Variants in ZNF527 observed in about 807,000 individuals in gnomAD.
The protein encoded by ZNF527 is zinc finger protein 527.
In ZNF527, 5 loss-of-function variants were observed where a neutral mutation model predicts 13.5. That is an observed-to-expected ratio of 0.37 (90% CI 0.19 to 0.78). ZNF527 has a LOEUF of 0.78. Among genes scored for constraint, ZNF527 ranks in the 30% least tolerant of loss-of-function variants. The pLI is 0.48. For synonymous variants in ZNF527, 209 were observed against 243.1 expected, an observed-to-expected ratio of 0.86 and a Z score of 1.30; for missense variants, 628 against 726.4, an observed-to-expected ratio of 0.86 and a Z score of 1.56.
intron 4 of ZNF527, among the ~76,000 whole-genome samples, chr19:37,382,421 A>G (rs1417495606): frequency 6.6e-6 from 1 of 152,108 alleles, no homozygotes; most frequent in Non-Finnish European, 1.5e-5. Flanking sequence ...CTATCAGTTT[A>G]TATTAATAAC....
At chr19:37,373,924 G>A (rs547490037) in intron 1 of ZNF527, among the ~76,000 whole-genome samples, 5 of 152,304 alleles carry the variant, frequency 3.3e-5, no homozygotes, top group South Asian at 2.1e-4. Context: ...CTTGTTGGCC[G>A]TAGGACAGAC....
chr19:37,377,948 A>G (rs566136924), intron 2 of ZNF527, among the ~76,000 whole-genome samples: 6 of 152,162 alleles, frequency 3.9e-5, no homozygotes, highest in South Asian at 4.2e-4. Context: ...ATACAACACT[A>G]TGGAGTTGTG....
intron 2 of ZNF527, among the ~76,000 whole-genome samples, chr19:37,374,760 A>AG (rs2040585667): frequency 6.6e-6 from 1 of 152,222 alleles, no homozygotes; most frequent in Non-Finnish European, 1.5e-5. Context: ...GGCCCTTTCA[A>AG]GTCATGATCT....
rs2040739985 is a variant in ZNF527, at chr19:37,390,056, TCTCG to T, written c.*181_*184del. ...TTACTTTTTTTTTTTTCAGACAGAG[TCTCG>T]CTCTGTTGCCCAGGCTGGAGTGCAG... On this transcript the variant is annotated 3_prime_UTR_variant, in exon 5 of 5. Coordinates refer to ENST00000436120, the MANE Select transcript of ZNF527 (RefSeq NM_032453.2). 5.6e-6 allele frequency: 4 copies of T among 719,284 alleles called. No homozygotes were observed. The highest frequency in any genetic ancestry group is 8.4e-6 in the Non-Finnish European group (4 of 478,192). 44.6% of individuals were successfully genotyped at this position (719,284 alleles called of 1,614,324 possible).
At chr19:37,383,214 T>C (rs747042840) in intron 4 of ZNF527, among the ~76,000 whole-genome samples, 3 of 151,058 alleles carry the variant, frequency 2.0e-5, no homozygotes, top group African/African-American at 7.4e-5. Flanking sequence ...TAAAACTGTA[T>C]GGGAGAATGC....
chr19:37,374,830 A>AT (rs2040586108), intron 2 of ZNF527, among the ~76,000 whole-genome samples: 1 of 152,178 alleles, frequency 6.6e-6, no homozygotes, highest in Non-Finnish European at 1.5e-5. Context: ...ATCTGATTTG[A>AT]TTTATGCCTT....
chr19:37,378,515 T>TATATCAGCTTA (rs1355123565), intron 2 of ZNF527, among the ~76,000 whole-genome samples: 13 of 152,238 alleles, frequency 8.5e-5, no homozygotes, highest in Admixed American at 2.0e-4. Context: ...ATACTGGATA[T>TATATCAGCTTA]ATATCAGCTT....
intron 4 of ZNF527, among the ~76,000 whole-genome samples, chr19:37,386,793 G>T (rs1316393061): frequency 2.0e-5 from 3 of 152,164 alleles, no homozygotes; most frequent in Non-Finnish European, 2.9e-5. Flanking sequence ...GTATAAATCT[G>T]CTATTTGCCT....
chr19:37,388,715 T>C lies in ZNF527; in HGVS notation c.666T>C (p.Asn222=), dbSNP rs372735192. ...LHAEKESLIG[N]ECEEFNQSTY... The stretch of plus-strand genomic sequence containing the variant: ...CTGAGAAGGAATCTTTGATAGGTAA[T>C]GAATGTGAAGAATTCAACCAGAGTA... The change falls in exon 5 of 5, where the codon AAT becomes AAC. Residue 222 remains asparagine, a synonymous_variant. Transcript: ENST00000436120. The C allele has an allele frequency of 1.5e-5, 24 of 1,611,932 alleles. No individual in the cohort carries two copies. In the African/African-American group the frequency reaches 2.8e-4, roughly 19 times the overall value.
intron 1 of ZNF527, 144 bp from the exon 2 acceptor site, chr19:37,374,014 C>T (rs2040579622): frequency 6.1e-6 from 3 of 491,162 alleles, no homozygotes; most frequent in Middle Eastern, 2.7e-4. Context: ...CATTGGATTC[C>T]ACCCCGCCAC....
At position 37,390,819 on chromosome 19, in the gene ZNF527, A is replaced by AT. The variant is rs1363635348; in HGVS notation, c.*942dup. The AT allele has an allele frequency of 6.6e-6, 1 of 152,194 alleles. No individual in the cohort carries two copies. Among genetic ancestry groups the AT allele is most frequent in the African/African-American group, 2.4e-5 (1 of 41,438 alleles). The allele number at this position is 152,194 out of a possible 1,614,324, so 9.4% of individuals were successfully genotyped here. A position where few individuals can be genotyped will look rare whatever the true frequency, so the allele number is the denominator to read the frequency against. On this transcript the variant is annotated 3_prime_UTR_variant, in exon 5 of 5. Coordinates refer to ENST00000436120, the MANE Select transcript of ZNF527 (RefSeq NM_032453.2). ...ATGGAATTAGAGTGCTGATTCACAC[A>AT]TTCTATGTTTGCTATACATAAAAGA...
chr19:37,387,230 T>A (rs947828958), intron 4 of ZNF527, among the ~76,000 whole-genome samples: 3 of 152,214 alleles, frequency 2.0e-5, no homozygotes, highest in Admixed American at 6.5e-5. Flanking sequence ...CATCTAAACA[T>A]GAAAATGTCT....
chr19:37,384,970 C>T, intron 4 of ZNF527: 1 of 701,788 alleles, frequency 1.4e-6, no homozygotes, highest in Non-Finnish European at 2.6e-6. Flanking sequence ...AGCATGCACA[C>T]CACTGCACCT....
chr19:37,387,725 G>GA (rs1291079126), intron 4 of ZNF527, among the ~76,000 whole-genome samples: 1 of 152,094 alleles, frequency 6.6e-6, no homozygotes, highest in Non-Finnish European at 1.5e-5. Context: ...TAGTCACTGA[G>GA]AAAAAATATA....
chr19:37,379,878 C>G (rs553987235), intron 3 of ZNF527, among the ~76,000 whole-genome samples: 32 of 152,274 alleles, frequency 2.1e-4, no homozygotes, highest in African/African-American at 7.7e-4. Context: ...TTATGAGGCC[C>G]CATTCTAGAC....
intron 1 of ZNF527, among the ~76,000 whole-genome samples, chr19:37,371,543 T>A (rs2040556852): frequency 1.3e-5 from 2 of 152,164 alleles, no homozygotes; most frequent in African/African-American, 4.8e-5. Context: ...GACTGGGGTG[T>A]GACATTGTGT....
rs967464198 is a variant in ZNF527, at chr19:37,390,833, A to C, written c.*954A>C. ...CTGATTCACACATTCTATGTTTGCTATACATAAAAGAAAGCCTTAATTTTT... is the reference window on the plus strand; with the variant it reads ...CTGATTCACACATTCTATGTTTGCTCTACATAAAAGAAAGCCTTAATTTTT... On this transcript the variant is annotated 3_prime_UTR_variant, in exon 5 of 5. Coordinates refer to ENST00000436120, the MANE Select transcript of ZNF527 (RefSeq NM_032453.2). 3 of 152,212 alleles carry C rather than the reference A, an allele frequency of 2.0e-5. No individual in the cohort carries two copies. The highest frequency in any genetic ancestry group is 7.2e-5 in the African/African-American group (3 of 41,462). 9.4% of individuals were successfully genotyped at this position (152,212 alleles called of 1,614,324 possible). A position where few individuals can be genotyped will look rare whatever the true frequency, so the allele number is the denominator to read the frequency against.
Position 37,392,633 on chromosome 19 carries a change from G to A in ZNF527, c.*2754G>A, listed in dbSNP as rs1315309339. ...TCCAACTCTTGGCCTGAAGTGATTT[G>A]CCCATCTCGGCTTCCCAAAGTGCTG... On this transcript the variant is annotated 3_prime_UTR_variant, in exon 5 of 5. Coordinates refer to ENST00000436120, the MANE Select transcript of ZNF527 (RefSeq NM_032453.2). 1 of 152,070 alleles carries A rather than the reference G, an allele frequency of 6.6e-6. No individual in the cohort carries two copies. Among genetic ancestry groups the A allele is most frequent in the Admixed American group, 6.6e-5 (1 of 15,250 alleles). The allele number at this position is 152,070 out of a possible 1,614,324, so 9.4% of individuals were successfully genotyped here.
At chr19:37,379,021 C>A (rs370329043) in intron 2 of ZNF527, 99 bp from the exon 3 acceptor site, 3 of 1,325,266 alleles carry the variant, frequency 2.3e-6, no homozygotes, top group Non-Finnish European at 3.2e-6. Context: ...TTATTTTCCT[C>A]GCATCACTTA....
Sources: allele counts gnomAD v4.1 joint callset (sites outside exome capture counted in the v4.1 genomes callset), GRCh38; gene constraint gnomAD v4.1.1; transcripts MANE v1.5; gene names NCBI Gene and HGNC (gene_info 2026-07-23, HGNC 2026-07-21).